LRP1B: variants seen among roughly 807,000 people sequenced by gnomAD.
The protein encoded by LRP1B is LDL receptor related protein 1B, also known as low-density lipoprotein receptor-related protein 1B.
Under a neutral mutation model 556.6 loss-of-function variants are expected in LRP1B, and 217 were observed. The observed-to-expected ratio is 0.39, with a 90% CI of 0.35 to 0.44. The LOEUF (loss-of-function observed/expected upper bound fraction) is 0.44, where lower values mean the gene tolerates loss of function less well. Among genes scored for constraint, LRP1B ranks in the 20% least tolerant of loss-of-function variants. The pLI, the probability that LRP1B is intolerant of heterozygous loss-of-function variation, is 1.00. For missense variants in LRP1B, 5,053 were observed against 5,620.8 expected, an observed-to-expected ratio of 0.90 and a Z score of 3.23; for synonymous variants, 2,047 against 1,865.8, an observed-to-expected ratio of 1.10 and a Z score of -2.50.
chr2:140,805,619 T>TA (rs1331191357), intron 32 of LRP1B, among the ~76,000 whole-genome samples: 1 of 152,198 alleles, frequency 6.6e-6, no homozygotes, highest in Non-Finnish European at 1.5e-5. Context: ...TTGTAATTTT[T>TA]ATGTTCTTTT....
chr2:140,842,232 C>T (rs1458508537), intron 29 of LRP1B, among the ~76,000 whole-genome samples: 1 of 152,160 alleles, frequency 6.6e-6, no homozygotes, highest in Non-Finnish European at 1.5e-5. Flanking sequence ...AACTCCAGAT[C>T]TGTAAAGTAT....
chr2:141,673,091 T>TCTTCTGC (rs1690736313), intron 2 of LRP1B, among the ~76,000 whole-genome samples: 2 of 152,184 alleles, frequency 1.3e-5, no homozygotes, highest in Admixed American at 1.3e-4. Flanking sequence ...GACCTGGAAG[T>TCTTCTGC]CTTCTGCCTT....
chr2:141,837,004 G>A (rs1206671490), intron 1 of LRP1B, among the ~76,000 whole-genome samples: 1 of 151,818 alleles, frequency 6.6e-6, no homozygotes, highest in Non-Finnish European at 1.5e-5. Flanking sequence ...ATGGTGCTTG[G>A]GTTTTCAACA....
chr2:140,587,867 G>C (rs1337882322), intron 43 of LRP1B, among the ~76,000 whole-genome samples: 1 of 152,000 alleles, frequency 6.6e-6, no homozygotes. Context: ...ATGTTACATA[G>C]AAGAAAACAA....
intron 87 of LRP1B, 143 bp from the exon 88 acceptor site, chr2:140,239,675 TTA>T (rs1278246755): frequency 8.9e-5 from 46 of 517,592 alleles, no homozygotes; most frequent in African/African-American, 8.3e-4. Flanking sequence ...GGGTTCATAA[TTA>T]TGTTATTGGA....
intron 66 of LRP1B, among the ~76,000 whole-genome samples, chr2:140,412,811 G>A (rs1456524037): frequency 2.0e-5 from 3 of 151,836 alleles, no homozygotes; most frequent in African/African-American, 4.8e-5. Context: ...TGGTATCTAC[G>A]TATTTATTCA....
chr2:140,836,045 A>G (rs1019882485), intron 31 of LRP1B, among the ~76,000 whole-genome samples: 1 of 152,176 alleles, frequency 6.6e-6, no homozygotes, highest in African/African-American at 2.4e-5. Flanking sequence ...TGTACATATC[A>G]TACTTTAGCA....
In LRP1B at chr2:141,783,413, C is replaced by CA. The variant is rs1428269583; in HGVS notation, c.205+26865dup. Among the ~76,000 whole-genome samples, 3 of 151,954 alleles carry CA rather than the reference C, an allele frequency of 2.0e-5. No homozygotes were observed. The East Asian group carries it at 5.8e-4, about 29-fold the overall frequency. Reference sequence around the variant, plus strand: ...CTTACTTATCCAAAGACCTTACAGTCAAAATACATGAACGTAGTCTCTCTC... The same window carrying CA: ...CTTACTTATCCAAAGACCTTACAGTCAAAAATACATGAACGTAGTCTCTCTC... On this transcript the variant is annotated intron_variant, in intron 2 of 90. Coordinates refer to ENST00000389484, the MANE Select transcript of LRP1B (RefSeq NM_018557.3).
chr2:140,714,753 T>C (rs1018971735), intron 37 of LRP1B, among the ~76,000 whole-genome samples: 2 of 152,068 alleles, frequency 1.3e-5, no homozygotes, highest in Admixed American at 6.6e-5. Flanking sequence ...GCTATAATAA[T>C]TTATTACAGC....
intron 2 of LRP1B, among the ~76,000 whole-genome samples, chr2:141,710,877 C>T (rs910119251): frequency 4.6e-5 from 7 of 152,124 alleles, no homozygotes; most frequent in Non-Finnish European, 7.4e-5. Flanking sequence ...ATCACTGTCA[C>T]TTGTTTTGTA....
At chr2:141,045,330 A>T (rs1377416114) in intron 11 of LRP1B, among the ~76,000 whole-genome samples, 1 of 150,444 alleles carries the variant, frequency 6.6e-6, no homozygotes, top group African/African-American at 2.4e-5. Context: ...AGATGACGAG[A>T]TAGTGGGTGC....
At chr2:142,046,773 G>A (rs1392834122) in intron 1 of LRP1B, among the ~76,000 whole-genome samples, 2 of 151,814 alleles carry the variant, frequency 1.3e-5, no homozygotes, top group Non-Finnish European at 1.5e-5. Flanking sequence ...TCATATAAAC[G>A]CTCCTCTGTA....
At position 141,166,760 on chromosome 2, in the gene LRP1B, T is replaced by C. The variant is rs558737102; in HGVS notation, c.1013+21661A>G. On this transcript the variant is annotated intron_variant, in intron 7 of 90. Transcript: ENST00000389484. ...TAATTTGTATGTGCAGTTGTCTTCA[T>C]CTATGAAAATATTTACTGGTTGCAA... Among the ~76,000 whole-genome samples the C allele has an allele frequency of 1.4e-4, 22 of 152,114 alleles. 2 individuals carry two copies. Among genetic ancestry groups the C allele is most frequent in the Middle Eastern group, 6.8e-3 (2 of 294 alleles).
chr2:140,300,843 C>T (rs1164128659), intron 83 of LRP1B, among the ~76,000 whole-genome samples: 2 of 151,966 alleles, frequency 1.3e-5, no homozygotes, highest in African/African-American at 4.8e-5. Context: ...TCTAGCTGTA[C>T]CAGTCACATA....
intron 2 of LRP1B, among the ~76,000 whole-genome samples, chr2:141,657,540 C>T (rs867670081): frequency 2.6e-5 from 4 of 152,224 alleles, no homozygotes; most frequent in Middle Eastern, 3.4e-3. Context: ...TGAGTTCACA[C>T]TATTGTAAGT....
At chr2:142,123,018 T>C (rs1278049315) in intron 1 of LRP1B, among the ~76,000 whole-genome samples, 6 of 152,052 alleles carry the variant, frequency 3.9e-5, no homozygotes, top group Non-Finnish European at 8.8e-5. Context: ...GAAGCTTCAA[T>C]AAATTCTGAC....
At chr2:141,667,918 T>A (rs894249517) in intron 2 of LRP1B, among the ~76,000 whole-genome samples, 42 of 152,340 alleles carry the variant, frequency 2.8e-4, no homozygotes, top group Non-Finnish European at 8.8e-5. Flanking sequence ...CATCTGAGCC[T>A]TCATTTCCTC....
At chr2:140,346,725 T>C (rs949940609) in intron 77 of LRP1B, among the ~76,000 whole-genome samples, 7 of 151,980 alleles carry the variant, frequency 4.6e-5, no homozygotes, top group African/African-American at 1.7e-4. Context: ...CATGTGTGTG[T>C]GTATGTTTGT....
intron 2 of LRP1B, among the ~76,000 whole-genome samples, chr2:141,679,148 TA>T (rs1171464172): frequency 6.6e-6 from 1 of 152,090 alleles, no homozygotes; most frequent in East Asian, 1.9e-4. Context: ...ACCCTCGGTA[TA>T]ACAGGCATTA....
Sources: allele counts gnomAD v4.1 joint callset (sites outside exome capture counted in the v4.1 genomes callset), GRCh38; gene constraint gnomAD v4.1.1; transcripts MANE v1.5; gene names NCBI Gene and HGNC (gene_info 2026-07-23, HGNC 2026-07-21).